The following SAMD5 variants were observed in gnomAD, a reference collection of about 807,000 sequenced individuals.
The protein encoded by SAMD5 is sterile alpha motif domain-containing protein 5.
A neutral mutation model predicts 11.3 loss-of-function variants in SAMD5; 13 were observed. The ratio of observed to expected loss-of-function variants is 1.15; its 90% confidence interval spans 0.75 to 1.83. The LOEUF is 1.83. Among genes scored for constraint, SAMD5 ranks in the 40% most tolerant of loss-of-function variants. The pLI is 0.00. For synonymous variants in SAMD5, 129 were observed against 111.3 expected, an observed-to-expected ratio of 1.16 and a Z score of -1.00; for missense variants, 255 against 239.1, an observed-to-expected ratio of 1.07 and a Z score of -0.44.
At chr6:147,701,056 A>G (rs1791246852) in intron 1 of SAMD5, among the ~76,000 whole-genome samples, 1 of 152,162 alleles carries the variant, frequency 6.6e-6, no homozygotes, top group African/African-American at 2.4e-5. Context: ...TCCTTCCTGT[A>G]AACTACACTG....
chr6:147,906,948 T>A, the SAMD5 span, among the ~76,000 whole-genome samples: 1 of 152,184 alleles, frequency 6.6e-6, no homozygotes, highest in Admixed American at 6.5e-5. Flanking sequence ...TTCAAAGGTA[T>A]TTTCTTGTAA....
chr6:147,775,863 C>G, the SAMD5 span, among the ~76,000 whole-genome samples: 1 of 152,094 alleles, frequency 6.6e-6, no homozygotes, highest in Non-Finnish European at 1.5e-5. Context: ...GCCTTGGTTG[C>G]CTTCTTACAG....
At chr6:147,938,090 G>T in the SAMD5 span, among the ~76,000 whole-genome samples, 3 of 152,108 alleles carry the variant, frequency 2.0e-5, no homozygotes, top group African/African-American at 7.2e-5. Flanking sequence ...TATGCCTTGT[G>T]TTCAACTTCT....
chr6:147,559,225 T>C (rs1376508479), intron 1 of SAMD5, among the ~76,000 whole-genome samples: 1 of 152,230 alleles, frequency 6.6e-6, no homozygotes, highest in Non-Finnish European at 1.5e-5. Flanking sequence ...TGTTCTTTTG[T>C]GTAGGAAGTT....
chr6:147,572,286 A>C (rs538256307), downstream of SAMD5, among the ~76,000 whole-genome samples: 1 of 152,068 alleles, frequency 6.6e-6, no homozygotes, highest in South Asian at 2.1e-4. Context: ...TGGGAAACCA[A>C]GTTTCTCCTT....
At chr6:147,773,920 G>A in the SAMD5 span, among the ~76,000 whole-genome samples, 1 of 152,120 alleles carries the variant, frequency 6.6e-6, no homozygotes, top group Non-Finnish European at 1.5e-5. Flanking sequence ...ACAGCTCATT[G>A]CAGCCTCGAC....
intron 1 of SAMD5, among the ~76,000 whole-genome samples, chr6:147,543,868 G>C (rs895375703): frequency 4.6e-5 from 7 of 152,152 alleles, no homozygotes; most frequent in Non-Finnish European, 8.8e-5. Flanking sequence ...GGCATCTCAG[G>C]AGAGTGTAAA....
the SAMD5 span, among the ~76,000 whole-genome samples, chr6:147,790,136 C>A: frequency 6.6e-6 from 1 of 152,176 alleles, no homozygotes; most frequent in Middle Eastern, 3.2e-3. Flanking sequence ...ATATTTCTAG[C>A]AGCTTTGTTC....
intron 1 of SAMD5, among the ~76,000 whole-genome samples, chr6:147,536,737 AATT>A (rs1201568185): frequency 1.3e-5 from 2 of 152,088 alleles, no homozygotes; most frequent in African/African-American, 4.8e-5. Context: ...ACATAATTAT[AATT>A]ATTGATAATG....
intron 1 of SAMD5, among the ~76,000 whole-genome samples, chr6:147,707,657 T>G (rs957495912): frequency 6.6e-6 from 1 of 152,172 alleles, no homozygotes; most frequent in Non-Finnish European, 1.5e-5. Context: ...CTTGTTTGCA[T>G]TGGTGTGGTC....
the SAMD5 span, among the ~76,000 whole-genome samples, chr6:147,927,096 G>A: frequency 6.6e-6 from 1 of 152,158 alleles, no homozygotes; most frequent in Non-Finnish European, 1.5e-5. Context: ...GTTGGGTAAA[G>A]TAATGCTTCA....
the SAMD5 span, among the ~76,000 whole-genome samples, chr6:147,915,030 T>C: frequency 2.6e-5 from 4 of 152,162 alleles, no homozygotes; most frequent in Non-Finnish European, 1.5e-5. Context: ...CTAATCTCAG[T>C]ATCTGACCCT....
chr6:147,722,168 G>A (rs1791564035), intron 1 of SAMD5, among the ~76,000 whole-genome samples: 1 of 152,150 alleles, frequency 6.6e-6, no homozygotes, highest in African/African-American at 2.4e-5. Context: ...TTAAATGACA[G>A]CAATCACAGT....
At chr6:147,892,437 A>G in the SAMD5 span, among the ~76,000 whole-genome samples, 1 of 152,238 alleles carries the variant, frequency 6.6e-6, no homozygotes, top group African/African-American at 2.4e-5. Context: ...TTTGGTTTAT[A>G]AACCAATCCC....
At chr6:147,779,363 A>G in the SAMD5 span, among the ~76,000 whole-genome samples, 4 of 152,202 alleles carry the variant, frequency 2.6e-5, no homozygotes, top group Non-Finnish European at 2.9e-5. Context: ...TCACATATAA[A>G]TAATAAATAA....
intron 1 of SAMD5, among the ~76,000 whole-genome samples, chr6:147,539,592 GT>G (rs1246654603): frequency 6.6e-6 from 1 of 150,856 alleles, no homozygotes; most frequent in Admixed American, 6.6e-5. Context: ...AGAGGTTTTT[GT>G]TTTTTTTCCC....
the SAMD5 span, among the ~76,000 whole-genome samples, chr6:147,872,249 G>T: frequency 2.2e-4 from 34 of 151,934 alleles, no homozygotes; most frequent in Non-Finnish European, 1.9e-4. Context: ...AGGATTACAG[G>T]TGTGCACCAC....
chr6:147,825,685 A>C, the SAMD5 span, among the ~76,000 whole-genome samples: 1 of 152,228 alleles, frequency 6.6e-6, no homozygotes, highest in South Asian at 2.1e-4. Flanking sequence ...TAATCTCATC[A>C]GTGAATTATG....
rs1329174972 is a variant in SAMD5, at chr6:147,566,217, G to A, written c.*1761G>A. On this transcript the variant is annotated 3_prime_UTR_variant, in exon 2 of 2. Coordinates refer to ENST00000367474, the MANE Select transcript of SAMD5 (RefSeq NM_001030060.3). ...TAAGGAAGTTAAATTTTAAAAGCAT[G>A]TATAGGTTGTCCTTAAATTATACAA... is the stretch of plus-strand genomic sequence containing the variant. The A allele has an allele frequency of 3.1e-6, 3 of 976,050 alleles. No homozygotes were observed. Among genetic ancestry groups the A allele is most frequent in the Non-Finnish European group, 3.7e-6 (3 of 821,736 alleles). 60.5% of individuals were successfully genotyped at this position (976,050 alleles called of 1,614,324 possible). A position where few individuals can be genotyped will look rare whatever the true frequency, so the allele number is the denominator to read the frequency against.
Sources: allele counts gnomAD v4.1 joint callset (sites outside exome capture counted in the v4.1 genomes callset), GRCh38; gene constraint gnomAD v4.1.1; transcripts MANE v1.5; gene names NCBI Gene and HGNC (gene_info 2026-07-23, HGNC 2026-07-21).